GPRC5A: variants seen among roughly 807,000 people sequenced by gnomAD.
The protein encoded by GPRC5A is retinoic acid-induced protein 3.
In GPRC5A, 19 loss-of-function variants were observed where a neutral mutation model predicts 22.5. That is an observed-to-expected ratio of 0.85 (90% CI 0.59 to 1.24). The LOEUF is 1.24. GPRC5A is among the 50% of genes most tolerant of loss of function. GPRC5A has a pLI of 0.00. For synonymous variants in GPRC5A, 192 were observed against 184.5 expected, an observed-to-expected ratio of 1.04 and a Z score of -0.33; for missense variants, 471 against 451.1, an observed-to-expected ratio of 1.04 and a Z score of -0.40.
intron 3 of GPRC5A, 151 bp downstream of exon 3, chr12:12,912,293 G>C: frequency 1.2e-6 from 1 of 849,502 alleles, no homozygotes; most frequent in Non-Finnish European, 2.0e-6. Flanking sequence ...GCCTCACGGG[G>C]TTAGTGGGTA....
At chr12:12,892,514 T>G (rs1219998965) in intron 1 of GPRC5A, among the ~76,000 whole-genome samples, 1 of 152,118 alleles carries the variant, frequency 6.6e-6, no homozygotes, top group African/African-American at 2.4e-5. Flanking sequence ...ATTACAGGCA[T>G]GCACCACCAC....
chr12:12,896,031 A>G (rs1054797573), intron 1 of GPRC5A, among the ~76,000 whole-genome samples: 5 of 150,156 alleles, frequency 3.3e-5, no homozygotes, highest in African/African-American at 9.8e-5. Flanking sequence ...GTATACTAGT[A>G]GAGGACTTCA....
At chr12:12,903,103 C>T (rs1863906835) in intron 1 of GPRC5A, among the ~76,000 whole-genome samples, 1 of 151,934 alleles carries the variant, frequency 6.6e-6, no homozygotes, top group South Asian at 2.1e-4. Flanking sequence ...AATACACATA[C>T]TATTTATAGA....
At chr12:12,910,067 C>T (rs1863987454) in intron 2 of GPRC5A, among the ~76,000 whole-genome samples, 1 of 151,878 alleles carries the variant, frequency 6.6e-6, no homozygotes, top group Admixed American at 6.6e-5. Flanking sequence ...AGTACTCCTG[C>T]TCATAGGGAC....
At position 12,912,521 on chromosome 12, in the gene GPRC5A, A is replaced by G; in HGVS notation, c.1056A>G (p.Val352=). ...CGAGCCCTTACAAAGACTATGAAGT[A>G]AAGAAAGAGGGCAGCTAACTCTGTC... is the stretch of plus-strand genomic sequence containing the variant. ...AWPSPYKDYE[V]KKEGS The change falls in exon 4 of 4, where the codon GTA becomes GTG. Residue 352 remains valine, a synonymous_variant. Coordinates refer to ENST00000014914, the MANE Select transcript of GPRC5A (RefSeq NM_003979.4). The G allele has an allele frequency of 6.2e-7, 1 of 1,603,500 alleles. No individual in the cohort carries two copies. Among genetic ancestry groups the G allele is most frequent in the Non-Finnish European group, 8.5e-7 (1 of 1,170,216 alleles).
At chr12:12,907,520 C>T (rs1272842681) in intron 1 of GPRC5A, among the ~76,000 whole-genome samples, 1 of 151,930 alleles carries the variant, frequency 6.6e-6, no homozygotes, top group Non-Finnish European at 1.5e-5. Context: ...GAGGCTGCAA[C>T]GTTATGATTA....
chr12:12,894,772 GTTTTTT>G (rs56794431), intron 1 of GPRC5A, among the ~76,000 whole-genome samples: 10 of 67,462 alleles, frequency 1.5e-4, no homozygotes, highest in Admixed American at 2.6e-4. Flanking sequence ...GTCTAGGATG[GTTTTTT>G]TTTTTTTTTT....
At position 12,912,588 on chromosome 12, in the gene GPRC5A, G is replaced by A; in HGVS notation, c.*49G>A. ...ATGCAGCCGGGCGGCAGATCTAGCG[G>A]GAGCTCAAAGGGATGTGGGCGAAAT... On this transcript the variant is annotated 3_prime_UTR_variant, in exon 4 of 4. Transcript: ENST00000014914. The A allele has an allele frequency of 9.3e-7, 1 of 1,077,444 alleles. No individual in the cohort carries two copies. The highest frequency in any genetic ancestry group is 1.4e-6 in the Non-Finnish European group (1 of 691,966). The allele number at this position is 1,077,444 out of a possible 1,614,324, so 66.7% of individuals were successfully genotyped here. A position where few individuals can be genotyped will look rare whatever the true frequency, so the allele number is the denominator to read the frequency against.
chr12:12,901,601 A>G (rs2136458040), intron 1 of GPRC5A, among the ~76,000 whole-genome samples: 1 of 152,000 alleles, frequency 6.6e-6, no homozygotes, highest in Non-Finnish European at 1.5e-5. Flanking sequence ...GGCTGGGGAG[A>G]GACAACGTTT....
chr12:12,907,306 C>G (rs1167142990), intron 1 of GPRC5A, among the ~76,000 whole-genome samples: 1 of 147,426 alleles, frequency 6.8e-6, no homozygotes, highest in Non-Finnish European at 1.5e-5. Flanking sequence ...GAGGCTGAGG[C>G]AGGAGAATCA....
intron 1 of GPRC5A, among the ~76,000 whole-genome samples, chr12:12,897,925 A>T (rs993502995): frequency 1.1e-4 from 16 of 151,108 alleles, no homozygotes; most frequent in Non-Finnish European, 2.9e-5. Context: ...TTTCTTTTTA[A>T]CCTCCTTTGC....
chr12:12,917,510 G>T lies in GPRC5A; in HGVS notation c.*4971G>T, dbSNP rs943226365. On this transcript the variant is annotated 3_prime_UTR_variant, in exon 4 of 4. Coordinates refer to ENST00000014914, the MANE Select transcript of GPRC5A (RefSeq NM_003979.4). ...TGTGGTCAATTCTGGACACTTCCCAGAGAAGTCTTTGAGTAGAGAATCCTA... is the reference window on the plus strand; with the variant it reads ...TGTGGTCAATTCTGGACACTTCCCATAGAAGTCTTTGAGTAGAGAATCCTA... 2.6e-5 allele frequency: 4 copies of T among 151,904 alleles called. No individual in the cohort carries two copies. Among genetic ancestry groups the T allele is most frequent in the African/African-American group, 9.7e-5 (4 of 41,342 alleles). 9.4% of individuals were successfully genotyped at this position (151,904 alleles called of 1,614,324 possible).
intron 1 of GPRC5A, among the ~76,000 whole-genome samples, chr12:12,896,219 C>T (rs977585474): frequency 1.3e-5 from 2 of 152,078 alleles, no homozygotes; most frequent in African/African-American, 2.4e-5. Flanking sequence ...GTAATACGCC[C>T]AGGGAACTAT....
chr12:12,909,354 G>A lies in GPRC5A; in HGVS notation c.922+183G>A, dbSNP rs190410042. 13 of 569,534 alleles carry A rather than the reference G, an allele frequency of 2.3e-5. No individual in the cohort carries two copies. In the South Asian group the frequency reaches 2.7e-4, roughly 12 times the overall value. 35.3% of individuals were successfully genotyped at this position (569,534 alleles called of 1,614,324 possible). A position where few individuals can be genotyped will look rare whatever the true frequency, so the allele number is the denominator to read the frequency against. On this transcript the variant is annotated intron_variant, in intron 2 of 3. Coordinates refer to ENST00000014914, the MANE Select transcript of GPRC5A (RefSeq NM_003979.4). ...AGCCTGTTAGAGACAAGTAGAACAC[G>A]AAGCTGGCCTCTGGAGTCTTTATTG...
At chr12:12,908,031 T>C (rs1023086326) in intron 1 of GPRC5A, among the ~76,000 whole-genome samples, 9 of 152,332 alleles carry the variant, frequency 5.9e-5, no homozygotes, top group East Asian at 1.9e-4. Flanking sequence ...AAGGGACATA[T>C]GGGATTTCTT....
chr12:12,902,803 C>T (rs974847686), intron 1 of GPRC5A, among the ~76,000 whole-genome samples: 5 of 152,094 alleles, frequency 3.3e-5, no homozygotes, highest in African/African-American at 9.7e-5. Context: ...CACGGTGGCT[C>T]ACGCCTGTAA....
chr12:12,915,532 T>C lies in GPRC5A; in HGVS notation c.*2993T>C, dbSNP rs1864054975. ...TAGTGAAAAGGATCTGTGGGAGCTT[T>C]TATTCCCATGGCTGCCTTCCTCAAG... is the stretch of plus-strand genomic sequence containing the variant. On this transcript the variant is annotated 3_prime_UTR_variant, in exon 4 of 4. Coordinates refer to ENST00000014914, the MANE Select transcript of GPRC5A (RefSeq NM_003979.4). 6.4e-6 allele frequency: 1 copy of C among 156,998 alleles called. No individual in the cohort carries two copies. The highest frequency in any genetic ancestry group is 2.4e-5 in the African/African-American group (1 of 41,458). The allele number at this position is 156,998 out of a possible 1,614,324, so 9.7% of individuals were successfully genotyped here. A position where few individuals can be genotyped will look rare whatever the true frequency, so the allele number is the denominator to read the frequency against.
chr12:12,902,004 C>G (rs1193483187), intron 1 of GPRC5A, among the ~76,000 whole-genome samples: 3 of 152,178 alleles, frequency 2.0e-5, no homozygotes, highest in Admixed American at 1.3e-4. Flanking sequence ...AGTTCATATT[C>G]CTAAATGCTG....
In GPRC5A at chr12:12,913,902, G is replaced by C. The variant is rs1158920134; in HGVS notation, c.*1363G>C. ...GAAAAGCAGAGGAGTGGCAACCTTGGCTTGGGGTTTGGCAGCCCAGGAAAG... is the reference window on the plus strand; with the variant it reads ...GAAAAGCAGAGGAGTGGCAACCTTGCCTTGGGGTTTGGCAGCCCAGGAAAG... On this transcript the variant is annotated 3_prime_UTR_variant, in exon 4 of 4. Coordinates refer to ENST00000014914, the MANE Select transcript of GPRC5A (RefSeq NM_003979.4). 6.6e-6 allele frequency: 1 copy of C among 152,194 alleles called. No individual in the cohort carries two copies. The highest frequency in any genetic ancestry group is 1.5e-5 in the Non-Finnish European group (1 of 68,052). 9.4% of individuals were successfully genotyped at this position (152,194 alleles called of 1,614,324 possible). A position where few individuals can be genotyped will look rare whatever the true frequency, so the allele number is the denominator to read the frequency against.
Sources: gnomAD v4.1 joint callset for allele counts (sites outside exome capture counted in the v4.1 genomes callset) on GRCh38, gnomAD v4.1.1 for gene constraint, MANE v1.5 for transcripts, NCBI Gene and HGNC (gene_info 2026-07-23, HGNC 2026-07-21) for gene names.